Variants in CNIH3 observed in about 807,000 individuals in gnomAD.
The protein encoded by CNIH3 is protein cornichon homolog 3.
CNIH3 carries 14 observed loss-of-function variants against 24.1 expected under a neutral mutation model. The observed-to-expected ratio is 0.58, with a 90% CI of 0.38 to 0.91. The LOEUF is 0.91. Ranked by LOEUF, CNIH3 falls within the 40% of genes least tolerant of loss-of-function variation. The probability of loss-of-function intolerance (pLI) is 0.00; values close to 1 mark genes in which losing one functional copy is unlikely to be tolerated. For synonymous variants in CNIH3, 68 were observed against 73.8 expected (o/e 0.92, Z 0.40); for missense variants, 178 against 196.8 (o/e 0.90, Z 0.57).
chr1:224,434,748 C>A (rs192114388), exon 1 of CNIH3: 3 of 987,102 alleles, frequency 3.0e-6, no homozygotes, highest in Non-Finnish European at 3.6e-6. Flanking sequence ...CTCGGATCCG[C>A]TCCGCTCTGC....
intron 1 of CNIH3, among the ~76,000 whole-genome samples, chr1:224,649,116 G>T (rs1419248382): frequency 6.6e-6 from 1 of 152,230 alleles, no homozygotes; most frequent in Non-Finnish European, 1.5e-5. Context: ...ACCTGAGACT[G>T]TTACATCTGG....
chr1:224,564,760 G>GT (rs1680511723), intron 3 of CNIH3, among the ~76,000 whole-genome samples: 1 of 152,382 alleles, frequency 6.6e-6, no homozygotes, highest in South Asian at 2.1e-4. Flanking sequence ...TGGTTCATGT[G>GT]CCTGGGTGGG....
At chr1:224,558,518 A>G (rs1020408323) in intron 3 of CNIH3, among the ~76,000 whole-genome samples, 1 of 152,210 alleles carries the variant, frequency 6.6e-6, no homozygotes, top group Non-Finnish European at 1.5e-5. Flanking sequence ...TTGAAAAGCA[A>G]TAATAAAACT....
intron 1 of CNIH3, among the ~76,000 whole-genome samples, chr1:224,630,146 T>C (rs943132807): frequency 1.3e-5 from 2 of 152,164 alleles, no homozygotes; most frequent in African/African-American, 2.4e-5. Context: ...AACTGAGGAA[T>C]GCACCTGCCA....
At chr1:224,723,023 G>GC (rs567800918) in intron 3 of CNIH3, among the ~76,000 whole-genome samples, 141 of 152,328 alleles carry the variant, frequency 9.3e-4, no homozygotes, top group African/African-American at 3.1e-3. Context: ...CCCCTGCACA[G>GC]GGTACAGCTG....
chr1:224,484,126 G>T (rs561106214), intron 1 of CNIH3, among the ~76,000 whole-genome samples: 1 of 147,834 alleles, frequency 6.8e-6, no homozygotes, highest in South Asian at 2.2e-4. Context: ...AGCGGAGATC[G>T]CACCATTGCA....
chr1:224,685,751 A>C (rs965590287), intron 3 of CNIH3, among the ~76,000 whole-genome samples: 1 of 152,188 alleles, frequency 6.6e-6, no homozygotes, highest in Non-Finnish European at 1.5e-5. Context: ...TCATTGAGAG[A>C]GAGCTTAATC....
intron 1 of CNIH3, among the ~76,000 whole-genome samples, chr1:224,499,648 C>G (rs1677573720): frequency 1.3e-5 from 2 of 152,316 alleles, no homozygotes; most frequent in South Asian, 2.1e-4. Flanking sequence ...TAATACCTTT[C>G]TAGTTTCAAT....
chr1:224,559,998 T>C (rs112577060), intron 3 of CNIH3, among the ~76,000 whole-genome samples: 3,359 of 152,332 alleles, frequency 0.022, 134 homozygotes, highest in African/African-American at 0.076. Context: ...TTTATAACTT[T>C]ATATAATCAT....
intron 1 of CNIH3, among the ~76,000 whole-genome samples, chr1:224,651,301 C>T (rs1028364385): frequency 2.6e-5 from 4 of 152,196 alleles, no homozygotes; most frequent in South Asian, 2.1e-4. Flanking sequence ...AAGGAAACTA[C>T]GTAGTGGTCA....
chr1:224,594,509 A>G (rs74146397), intron 3 of CNIH3, among the ~76,000 whole-genome samples: 3,309 of 152,296 alleles, frequency 0.022, 110 homozygotes, highest in African/African-American at 0.073. Flanking sequence ...TATTACACTC[A>G]CAGGTCCTGG....
At chr1:224,610,527 G>C (rs1390239206) in intron 3 of CNIH3, among the ~76,000 whole-genome samples, 1 of 152,174 alleles carries the variant, frequency 6.6e-6, no homozygotes, top group East Asian at 1.9e-4. Flanking sequence ...GCCTTCTGCT[G>C]TGATTGTAAG....
At chr1:224,602,078 C>A (rs1020773259) in intron 3 of CNIH3, among the ~76,000 whole-genome samples, 5 of 152,136 alleles carry the variant, frequency 3.3e-5, no homozygotes, top group African/African-American at 1.2e-4. Flanking sequence ...TTCATAAGAT[C>A]AACAAAGTTT....
intron 1 of CNIH3, among the ~76,000 whole-genome samples, chr1:224,499,318 T>TTGAA (rs920966594): frequency 1.2e-4 from 19 of 152,208 alleles, no homozygotes; most frequent in African/African-American, 4.6e-4. Context: ...GGGCAGGCCA[T>TTGAA]TGGTTCTGAT....
At chr1:224,633,158 A>AT (rs932834350) in intron 1 of CNIH3, among the ~76,000 whole-genome samples, 16 of 150,970 alleles carry the variant, frequency 1.1e-4, no homozygotes, top group East Asian at 3.9e-4. Flanking sequence ...ATCAGTTAAG[A>AT]TTTTTTTTTC....
At chr1:224,614,927 A>G (rs2125056688), upstream of CNIH3, among the ~76,000 whole-genome samples, 1 of 148,166 alleles carries the variant, frequency 6.7e-6, no homozygotes, top group Non-Finnish European at 1.5e-5. Flanking sequence ...CGACAAAGTG[A>G]GACTCCGTCA....
chr1:224,705,845 C>CTTTTTTT (rs1687760585), intron 3 of CNIH3, among the ~76,000 whole-genome samples: 1 of 133,758 alleles, frequency 7.5e-6, no homozygotes, highest in Non-Finnish European at 1.6e-5. Flanking sequence ...TTCTCTCTTT[C>CTTTTTTT]TTTTCTTTTT....
At chr1:224,484,469 A>G (rs1401335085) in intron 1 of CNIH3, among the ~76,000 whole-genome samples, 2 of 151,656 alleles carry the variant, frequency 1.3e-5, no homozygotes, top group African/African-American at 4.8e-5. Context: ...ACCAGTTTTG[A>G]GCACATTGAC....
chr1:224,723,013 C>T (rs1688813613), intron 3 of CNIH3, among the ~76,000 whole-genome samples: 1 of 152,182 alleles, frequency 6.6e-6, no homozygotes, highest in Admixed American at 6.5e-5. Context: ...TGGGCTGCAT[C>T]CCCTGCACAG....
Sources: allele counts gnomAD v4.1 joint callset (sites outside exome capture counted in the v4.1 genomes callset), GRCh38; gene constraint gnomAD v4.1.1; transcripts MANE v1.5; gene names NCBI Gene and HGNC (gene_info 2026-07-23, HGNC 2026-07-21).